Variants in ARB2A observed in about 807,000 individuals in gnomAD.
ARB2A encodes the protein ARB2 cotranscriptional regulator A.
chr5:93,728,920 TCTC>T, the ARB2A span, among the ~76,000 whole-genome samples: 1 of 152,124 alleles, frequency 6.6e-6, no homozygotes, highest in African/African-American at 2.4e-5. Context: ...AAATATTTCT[TCTC>T]ATGCATTTTG....
At chr5:93,887,387 T>C in the ARB2A span, among the ~76,000 whole-genome samples, 1 of 151,496 alleles carries the variant, frequency 6.6e-6, no homozygotes, top group African/African-American at 2.4e-5. Context: ...CTCAAGAACA[T>C]AAAGAAACTA....
chr5:93,763,203 C>A, the ARB2A span, among the ~76,000 whole-genome samples: 56 of 151,806 alleles, frequency 3.7e-4, no homozygotes, highest in Non-Finnish European at 3.7e-4. Flanking sequence ...ACAATATTAA[C>A]CTTAAATGCA....
At chr5:93,765,847 C>T in the ARB2A span, among the ~76,000 whole-genome samples, 1 of 152,052 alleles carries the variant, frequency 6.6e-6, no homozygotes, top group African/African-American at 2.4e-5. Flanking sequence ...GAGATATAGA[C>T]CAATGGAACA....
the ARB2A span, among the ~76,000 whole-genome samples, chr5:93,774,216 C>T: frequency 1.6e-4 from 25 of 152,346 alleles, 1 homozygote; most frequent in African/African-American, 6.0e-4. Flanking sequence ...TATCCCTCTC[C>T]TGGGGCCTCC....
chr5:94,075,094 A>G, the ARB2A span, among the ~76,000 whole-genome samples: 3 of 152,072 alleles, frequency 2.0e-5, no homozygotes, highest in African/African-American at 7.2e-5. Flanking sequence ...AGTTTTAGTT[A>G]CCTATCACCT....
chr5:94,085,776 G>C, the ARB2A span, among the ~76,000 whole-genome samples: 3 of 152,234 alleles, frequency 2.0e-5, no homozygotes, highest in East Asian at 5.8e-4. Context: ...TACATTAACA[G>C]GGCAAAGATG....
At chr5:93,764,341 A>C in the ARB2A span, among the ~76,000 whole-genome samples, 1,918 of 152,320 alleles carry the variant, frequency 0.013, 50 homozygotes, top group African/African-American at 0.043. Flanking sequence ...AATCAAATAG[A>C]CGCAATAAAA....
the ARB2A span, among the ~76,000 whole-genome samples, chr5:93,916,137 G>A: frequency 1.3e-5 from 2 of 151,896 alleles, no homozygotes; most frequent in South Asian, 2.1e-4. Flanking sequence ...AATTTAATTC[G>A]CTCTTGCAAG....
chr5:93,786,260 AGTTAGT>A, the ARB2A span, among the ~76,000 whole-genome samples: 6 of 152,174 alleles, frequency 3.9e-5, no homozygotes, highest in Admixed American at 3.9e-4. Context: ...ATTGGTGAGG[AGTTAGT>A]GTTAAAGTAG....
the ARB2A span, among the ~76,000 whole-genome samples, chr5:93,770,559 C>A: frequency 3.9e-5 from 6 of 152,048 alleles, no homozygotes; most frequent in Non-Finnish European, 8.8e-5. Context: ...TAGAAAACCC[C>A]ATTGTCTCAG....
chr5:93,665,297 A>G, the ARB2A span, among the ~76,000 whole-genome samples: 3 of 152,344 alleles, frequency 2.0e-5, no homozygotes, highest in African/African-American at 7.2e-5. Context: ...GATTTTACTT[A>G]TAAGAAAACC....
chr5:94,020,828 C>T, the ARB2A span, among the ~76,000 whole-genome samples: 95 of 152,200 alleles, frequency 6.2e-4, 4 homozygotes, highest in East Asian at 0.017. Flanking sequence ...GAAGTGTCTA[C>T]GGACTAAAAC....
the ARB2A span, among the ~76,000 whole-genome samples, chr5:93,882,964 A>G: frequency 1.3e-5 from 2 of 151,552 alleles, no homozygotes; most frequent in African/African-American, 4.8e-5. Flanking sequence ...CAAACCAACC[A>G]TAAGATGATT....
the ARB2A span, among the ~76,000 whole-genome samples, chr5:93,748,427 TGATA>T: frequency 6.6e-6 from 1 of 152,084 alleles, no homozygotes; most frequent in Non-Finnish European, 1.5e-5. Context: ...GGTAACCCTA[TGATA>T]AGATATGACT....
At chr5:93,645,301 C>A in the ARB2A span, among the ~76,000 whole-genome samples, 54 of 152,136 alleles carry the variant, frequency 3.5e-4, no homozygotes, top group African/African-American at 1.2e-3. Flanking sequence ...AGGCCAGGCA[C>A]GGTGGCTCAT....
At chr5:93,828,567 T>G in the ARB2A span, among the ~76,000 whole-genome samples, 8 of 152,312 alleles carry the variant, frequency 5.3e-5, no homozygotes, top group East Asian at 1.4e-3. Flanking sequence ...ATTTCACAAG[T>G]GGATGACCAC....
the ARB2A span, among the ~76,000 whole-genome samples, chr5:93,989,656 G>A: frequency 6.6e-6 from 1 of 152,098 alleles, no homozygotes; most frequent in African/African-American, 2.4e-5. Context: ...TAAGAGCACT[G>A]CTCTAGATTC....
At chr5:93,794,197 T>G in the ARB2A span, among the ~76,000 whole-genome samples, 5 of 152,116 alleles carry the variant, frequency 3.3e-5, no homozygotes, top group African/African-American at 1.2e-4. Flanking sequence ...TTTCTTCTGC[T>G]TGTTTGATTC....
chr5:93,767,523 G>T, the ARB2A span, among the ~76,000 whole-genome samples: 1 of 151,928 alleles, frequency 6.6e-6, no homozygotes, highest in Non-Finnish European at 1.5e-5. Flanking sequence ...CCCACTCCTG[G>T]GTATCTACCC....
Sources: allele counts gnomAD v4.1 joint callset (sites outside exome capture counted in the v4.1 genomes callset), GRCh38; gene constraint gnomAD v4.1.1; transcripts MANE v1.5; gene names NCBI Gene and HGNC (gene_info 2026-07-23, HGNC 2026-07-21).